Variants in KCNIP4 observed in about 807,000 individuals in gnomAD.
KCNIP4 encodes the protein Kv channel-interacting protein 4.
In KCNIP4, 12 loss-of-function variants were observed where a neutral mutation model predicts 34.0. That is an observed-to-expected ratio of 0.35 (90% CI 0.23 to 0.57). The LOEUF (loss-of-function observed/expected upper bound fraction) is 0.57, where lower values mean the gene tolerates loss of function less well. Among genes scored for constraint, KCNIP4 ranks in the 20% least tolerant of loss-of-function variants. KCNIP4 has a pLI of 0.83. For synonymous variants in KCNIP4, 124 were observed against 102.2 expected (o/e 1.21, Z -1.29); for missense variants, 238 against 311.7 (o/e 0.76, Z 1.78).
chr4:21,667,504 A>AT (rs774815873), intron 1 of KCNIP4, among the ~76,000 whole-genome samples: 1 of 152,200 alleles, frequency 6.6e-6, no homozygotes, highest in Non-Finnish European at 1.5e-5. Context: ...GTGATATGAT[A>AT]TAAGTATGCA....
At chr4:20,971,763 G>C (rs905313659) in intron 1 of KCNIP4, among the ~76,000 whole-genome samples, 6 of 152,164 alleles carry the variant, frequency 3.9e-5, no homozygotes, top group African/African-American at 1.4e-4. Flanking sequence ...ATAAGACAAT[G>C]AAATTTGCCT....
intron 2 of KCNIP4, among the ~76,000 whole-genome samples, chr4:20,857,367 C>A (rs185111108): frequency 6.6e-6 from 1 of 152,206 alleles, no homozygotes. Flanking sequence ...TGGTTTTAAC[C>A]CAGTGCCTAA....
intron 1 of KCNIP4, among the ~76,000 whole-genome samples, chr4:20,916,566 TA>T (rs1728833441): frequency 6.6e-6 from 1 of 152,134 alleles, no homozygotes; most frequent in African/African-American, 2.4e-5. Flanking sequence ...TTTTAATTGG[TA>T]GCCCTTAGCA....
chr4:21,137,437 C>A (rs141117536), intron 1 of KCNIP4, among the ~76,000 whole-genome samples: 1 of 152,138 alleles, frequency 6.6e-6, no homozygotes, highest in East Asian at 1.9e-4. Flanking sequence ...TTTCTTTTTT[C>A]ATTTCTTTGT....
At chr4:21,533,757 G>A (rs28698363) in intron 1 of KCNIP4, among the ~76,000 whole-genome samples, 5 of 151,950 alleles carry the variant, frequency 3.3e-5, no homozygotes, top group Non-Finnish European at 7.4e-5. Context: ...AGAAATTGAG[G>A]CTAGACGATG....
chr4:21,684,862 CCT>C (rs1203798205), intron 1 of KCNIP4, among the ~76,000 whole-genome samples: 2 of 152,054 alleles, frequency 1.3e-5, no homozygotes, highest in Non-Finnish European at 2.9e-5. Flanking sequence ...TGTTCCCCAC[CCT>C]GTGTCCACTA....
chr4:21,404,258 T>C (rs530557956), intron 1 of KCNIP4, among the ~76,000 whole-genome samples: 5 of 152,390 alleles, frequency 3.3e-5, no homozygotes, highest in Admixed American at 1.3e-4. Context: ...TAGTACTTAC[T>C]ATAACAAAAA....
At chr4:21,923,427 C>A (rs1033548594) in intron 1 of KCNIP4, among the ~76,000 whole-genome samples, 1 of 151,950 alleles carries the variant, frequency 6.6e-6, no homozygotes, top group African/African-American at 2.4e-5. Flanking sequence ...ATTAAAAATA[C>A]AAAAATTAGC....
intron 1 of KCNIP4, among the ~76,000 whole-genome samples, chr4:20,959,796 A>AT (rs1733675828): frequency 6.6e-6 from 1 of 152,198 alleles, no homozygotes; most frequent in African/African-American, 2.4e-5. Flanking sequence ...CAAGGAGACC[A>AT]TGTATGCTCA....
intron 3 of KCNIP4, among the ~76,000 whole-genome samples, chr4:20,826,895 T>C (rs370592869): frequency 1.1e-4 from 16 of 152,166 alleles, no homozygotes; most frequent in Admixed American, 2.0e-4. Context: ...ATACAGGGGC[T>C]AAAGAGAAGC....
intron 3 of KCNIP4, among the ~76,000 whole-genome samples, chr4:20,798,888 A>C (rs548926028): frequency 6.6e-6 from 1 of 152,308 alleles, no homozygotes; most frequent in South Asian, 2.1e-4. Flanking sequence ...AGCTATATTC[A>C]GAGAAGGTGA....
intron 1 of KCNIP4, among the ~76,000 whole-genome samples, chr4:21,709,728 C>T (rs147428246): frequency 2.7e-3 from 411 of 152,226 alleles, no homozygotes; most frequent in Middle Eastern, 0.014. Context: ...CTTATGTAAA[C>T]ACCTAGGAAT....
intron 1 of KCNIP4, among the ~76,000 whole-genome samples, chr4:21,359,607 T>C (rs529541986): frequency 6.6e-6 from 1 of 152,222 alleles, no homozygotes; most frequent in South Asian, 2.1e-4. Context: ...CAGGAAAATA[T>C]ATAAAATAAC....
At chr4:21,462,765 TTGTGTGTG>T (rs57124779) in intron 1 of KCNIP4, among the ~76,000 whole-genome samples, 3,188 of 145,742 alleles carry the variant, frequency 0.022, 110 homozygotes, top group East Asian at 0.11. Flanking sequence ...TAGTATTCCA[TTGTGTGTG>T]TGTGTGTGTG....
intron 1 of KCNIP4, among the ~76,000 whole-genome samples, chr4:21,762,095 T>A: frequency 6.6e-6 from 1 of 152,210 alleles, no homozygotes; most frequent in East Asian, 1.9e-4. Context: ...TATGTAATTT[T>A]ATTTTTCTAG....
At chr4:21,463,878 A>T (rs185116770) in intron 1 of KCNIP4, among the ~76,000 whole-genome samples, 2 of 152,204 alleles carry the variant, frequency 1.3e-5, no homozygotes, top group Non-Finnish European at 2.9e-5. Context: ...TTGAAATTAA[A>T]TCATTTTACT....
At chr4:21,553,633 T>TATTCTGAGTTTTAATTTAGTCGGTTGTAA (rs1287407472) in intron 1 of KCNIP4, among the ~76,000 whole-genome samples, 122 of 152,216 alleles carry the variant, frequency 8.0e-4, no homozygotes, top group African/African-American at 2.9e-3. Context: ...TCACCAGGAT[T>TATTCTGAGTTTTAATTTAGTCGGTTGTAA]ATTCTGAGTT....
At chr4:21,296,629 T>C (rs1235241077) in intron 1 of KCNIP4, among the ~76,000 whole-genome samples, 1 of 151,798 alleles carries the variant, frequency 6.6e-6, no homozygotes, top group Non-Finnish European at 1.5e-5. Context: ...AGCCAAGGTG[T>C]ATTCCAGCTG....
chr4:21,841,858 C>T (rs903235827), intron 1 of KCNIP4, among the ~76,000 whole-genome samples: 29 of 152,052 alleles, frequency 1.9e-4, no homozygotes, highest in African/African-American at 5.6e-4. Flanking sequence ...AGTCAGTGCA[C>T]TTAAGATTAT....
Sources: allele counts gnomAD v4.1 joint callset (sites outside exome capture counted in the v4.1 genomes callset), GRCh38; gene constraint gnomAD v4.1.1; transcripts MANE v1.5; gene names NCBI Gene and HGNC (gene_info 2026-07-23, HGNC 2026-07-21).